Variants in USHBP1 observed in about 807,000 individuals in gnomAD.
USHBP1 encodes the protein harmonin-binding protein USHBP1.
Under a neutral mutation model 76.2 loss-of-function variants are expected in USHBP1, and 67 were observed. That is an observed-to-expected ratio of 0.88 (90% CI 0.72 to 1.08). USHBP1 has a LOEUF of 1.08. Ranked by LOEUF, USHBP1 falls within the 50% of genes least tolerant of loss-of-function variation. The probability of loss-of-function intolerance (pLI) is 0.00; values close to 1 mark genes in which losing one functional copy is unlikely to be tolerated. For synonymous variants in USHBP1, 322 were observed against 362.2 expected (o/e 0.89, Z 1.26); for missense variants, 931 against 915.0 (o/e 1.02, Z -0.23).
intron 8 of USHBP1, among the ~76,000 whole-genome samples, chr19:17,257,057 G>A (rs2073628666): frequency 7.1e-6 from 1 of 141,386 alleles, no homozygotes; most frequent in Non-Finnish European, 1.5e-5. Flanking sequence ...GTCTTGCTCT[G>A]TCGCCCAGGC....
At position 17,259,950 on chromosome 19, in the gene USHBP1, A is replaced by G; in HGVS notation, c.715T>C (p.Ser239Pro). 6.2e-7 allele frequency: 1 copy of G among 1,614,026 alleles called. No individual in the cohort carries two copies. Residue 239 changes from serine (S) to proline (P), a missense_variant, in exon 5 of 13, where the codon TCA becomes CCA. Coordinates refer to ENST00000252597, the MANE Select transcript of USHBP1 (RefSeq NM_031941.4). ...PHLSHNQAGG[S>P]GSGSSSSEAD... The stretch of plus-strand genomic sequence containing the variant: ...TCAGAGCTGCTAGAACCACTGCCTG[A>G]GCCACCTGCTTGGTTGTGGGAAAGA...
At position 17,264,057 on chromosome 19, in the gene USHBP1, C is replaced by A. The variant is rs374555858; in HGVS notation, c.148G>T (p.Gly50Trp). The A allele has an allele frequency of 1.9e-6, 3 of 1,612,994 alleles. No homozygotes were observed. The highest frequency in any genetic ancestry group is 1.7e-4 in the Middle Eastern group (1 of 6,060). The change falls in exon 3 of 13, where the codon GGG becomes TGG. Residue 50 changes from glycine (G) to tryptophan (W), a missense_variant. Coordinates refer to ENST00000252597, the MANE Select transcript of USHBP1 (RefSeq NM_031941.4). The part of the protein sequence containing the change: ...PSFAPPPVSS[G>W]LEQLGPMEEV... ...TCCATGGGGCCCAGCTGCTCCAGCCCGGAGCTCACCGGAGGTGGGGCAAAG... is the reference window on the plus strand; with the variant it reads ...TCCATGGGGCCCAGCTGCTCCAGCCAGGAGCTCACCGGAGGTGGGGCAAAG...
rs770840252 is a variant in USHBP1 at position 17,263,003 on chromosome 19, A to C, written c.204-13T>G. ...CTTCTTGTCAGTCCTGTGGACACCA[A>C]CTCAGGCACTTGAGTCACTCCATGC... On this transcript the variant is annotated splice_polypyrimidine_tract_variant and intron_variant, in intron 3 of 12. Transcript: ENST00000252597. 7 of 1,506,000 alleles carry C rather than the reference A, an allele frequency of 4.6e-6. No homozygotes were observed. In the Admixed American group the frequency reaches 6.9e-5, roughly 15 times the overall value. The allele number at this position is 1,506,000 out of a possible 1,614,324, so 93.3% of individuals were successfully genotyped here.
chr19:17,259,094 G>A (rs1039670700), intron 7 of USHBP1, among the ~76,000 whole-genome samples, 195 bp downstream of exon 7: 1 of 152,100 alleles, frequency 6.6e-6, no homozygotes, highest in Non-Finnish European at 1.5e-5. Flanking sequence ...GAACCCAGGA[G>A]GCAGAGGTTG....
chr19:17,250,449 C>T (rs2073536315), intron 12 of USHBP1, 35 bp from the exon 13 acceptor site: 1 of 1,595,366 alleles, frequency 6.3e-7, no homozygotes, highest in African/African-American at 1.3e-5. Flanking sequence ...AGGAAACAGC[C>T]CCCGAGTCCA....
chr19:17,262,969 C>T lies in USHBP1; in HGVS notation c.225G>A (p.Gly75=). 7 of 1,521,278 alleles carry T rather than the reference C, an allele frequency of 4.6e-6. No individual in the cohort carries two copies. Among genetic ancestry groups the T allele is most frequent in the Non-Finnish European group, 6.2e-6 (7 of 1,134,892 alleles). The allele number at this position is 1,521,278 out of a possible 1,614,324, so 94.2% of individuals were successfully genotyped here. A position where few individuals can be genotyped will look rare whatever the true frequency, so the allele number is the denominator to read the frequency against. ...CTGAGGCCAGTTCCCTGCCAGAGCCCCCATCCATCTTCTTGTCAGTCCTGT... is the reference window on the plus strand; with the variant it reads ...CTGAGGCCAGTTCCCTGCCAGAGCCTCCATCCATCTTCTTGTCAGTCCTGT... ...LGSRTDKKMD[G]GSGRELASAP... Residue 75 remains glycine, a synonymous_variant, in exon 4 of 13, where the codon GGG becomes GGA. Coordinates refer to ENST00000252597, the MANE Select transcript of USHBP1 (RefSeq NM_031941.4).
rs777306692 is a variant in USHBP1, at chr19:17,256,665, G to C, written c.1276C>G (p.Arg426Gly). The C allele has an allele frequency of 6.2e-7, 1 of 1,614,190 alleles. No homozygotes were observed. The highest frequency in any genetic ancestry group is 1.7e-5 in the Admixed American group (1 of 60,022). Reference protein sequence around the residue: ...PTPQEVAFQLRSYVQRLQERR... With the variant: ...PTPQEVAFQLGSYVQRLQERR... ...TCCTGGAGACGCTGGACATAGCTTC[G>C]GAGCTGGAAAGCCACTTCCTGTGGG... is the stretch of plus-strand genomic sequence containing the variant. The change falls in exon 9 of 13, where the codon CGA becomes GGA. Residue 426 changes from arginine to glycine, a missense_variant. Physicochemically the swap from Arg to Gly is moderately radical, Grantham distance 125. Coordinates refer to ENST00000252597, the MANE Select transcript of USHBP1 (RefSeq NM_031941.4).
chr19:17,259,497 C>T (rs1299807810), intron 6 of USHBP1, 68 bp from the exon 7 acceptor site: 2 of 1,608,010 alleles, frequency 1.2e-6, no homozygotes, highest in Non-Finnish European at 1.7e-6. Context: ...CAATTTCCAC[C>T]CTTTCCCTCC....
chr19:17,262,917 C>G lies in USHBP1; in HGVS notation c.277G>C (p.Val93Leu). 1.3e-6 allele frequency: 2 copies of G among 1,568,172 alleles called. No homozygotes were observed. Among genetic ancestry groups the G allele is most frequent in the Non-Finnish European group, 1.7e-6 (2 of 1,155,388 alleles). The change falls in exon 4 of 13, where the codon GTG becomes CTG. Residue 93 changes from valine (V) to leucine (L), a missense_variant. Val to Leu is a conservative substitution (Grantham distance 32, BLOSUM62 1). Transcript: ENST00000252597. ...GCTTCTGGGGCTTGGTGGGCTTCCA[C>G]TGCAGGTTTGTGGGGCACTTCGGGG... ...SAPEVPHKPA[V>L]EAHQAPEAAL... is the part of the protein sequence containing the mutation.
At chr19:17,251,817 G>C in intron 11 of USHBP1, 94 bp downstream of exon 11, 2 of 1,558,394 alleles carry the variant, frequency 1.3e-6, no homozygotes, top group Non-Finnish European at 1.7e-6. Flanking sequence ...GTACACCGGG[G>C]TACACCTTAG....
intron 10 of USHBP1, among the ~76,000 whole-genome samples, chr19:17,254,764 AC>A (rs2073597642): frequency 6.6e-6 from 1 of 151,806 alleles, no homozygotes; most frequent in Non-Finnish European, 1.5e-5. Context: ...TGATCCTCCC[AC>A]CTCAGCCACC....
At position 17,256,756 on chromosome 19, in the gene USHBP1, G is replaced by A. The variant is rs780955541; in HGVS notation, c.1221-36C>T. The A allele has an allele frequency of 5.6e-6, 9 of 1,613,048 alleles. No homozygotes were observed. In the South Asian group the frequency reaches 9.9e-5, roughly 18 times the overall value. ...CAGAAAAGGTGCCTATGTCAACACTGGCAGGCATAGGTGGGTTAAGTTCAT... is the reference window on the plus strand; with the variant it reads ...CAGAAAAGGTGCCTATGTCAACACTAGCAGGCATAGGTGGGTTAAGTTCAT... On this transcript the variant is annotated intron_variant, in intron 8 of 12. Coordinates refer to ENST00000252597, the MANE Select transcript of USHBP1 (RefSeq NM_031941.4).
At chr19:17,259,481 A>G (rs538437204) in intron 6 of USHBP1, 52 bp from the exon 7 acceptor site, 20 of 1,610,492 alleles carry the variant, frequency 1.2e-5, no homozygotes, top group Non-Finnish European at 1.5e-5. Context: ...TAAGGCAGTC[A>G]GGCCTCAATT....
chr19:17,259,781 G>C, intron 5 of USHBP1, 49 bp from the exon 6 acceptor site: 1 of 1,580,224 alleles, frequency 6.3e-7, no homozygotes, highest in Non-Finnish European at 8.6e-7. Context: ...CCAAGAGCCT[G>C]GGATTGTAGG....
rs1568328361 is a variant in USHBP1 at position 17,262,770 on chromosome 19, T to C, written c.424A>G (p.Ser142Gly). 6.2e-7 allele frequency: 1 copy of C among 1,613,998 alleles called. No individual in the cohort carries two copies. Among genetic ancestry groups the C allele is most frequent in the Admixed American group, 1.7e-5 (1 of 60,014 alleles). Residue 142 changes from serine to glycine, a missense_variant, in exon 4 of 13, where the codon AGC becomes GGC. Coordinates refer to ENST00000252597, the MANE Select transcript of USHBP1 (RefSeq NM_031941.4). ...AAAAWRHQPP[S>G]HSGPMEFEGT... ...TCGAACTCCATCGGCCCAGAATGGC[T>C]GGGGGGCTGGTGGCGCCAGGCTGCA...
Position 17,262,760 on chromosome 19 carries a change from C to A in USHBP1, c.434G>T (p.Gly145Val). 6.2e-7 allele frequency: 1 copy of A among 1,614,236 alleles called. No homozygotes were observed. Among genetic ancestry groups the A allele is most frequent in the Non-Finnish European group, 8.5e-7 (1 of 1,180,036 alleles). ...AWRHQPPSHSGPMEFEGTSEG... is the reference protein window; with the variant it reads ...AWRHQPPSHSVPMEFEGTSEG... Reference sequence around the variant, plus strand: ...GCTTGTGCCTTCGAACTCCATCGGCCCAGAATGGCTGGGGGGCTGGTGGCG... The same window carrying A: ...GCTTGTGCCTTCGAACTCCATCGGCACAGAATGGCTGGGGGGCTGGTGGCG... Residue 145 changes from glycine (G) to valine (V), a missense_variant, in exon 4 of 13, where the codon GGG (glycine) becomes GTG (valine). Transcript: ENST00000252597.
At chr19:17,261,710 T>C (rs1395175188) in intron 4 of USHBP1, among the ~76,000 whole-genome samples, 1 of 151,180 alleles carries the variant, frequency 6.6e-6, no homozygotes, top group Non-Finnish European at 1.5e-5. Context: ...AAATCTCGGC[T>C]CACTGCAACC....
intron 7 of USHBP1, 156 bp from the exon 8 acceptor site, chr19:17,258,541 T>C: frequency 1.4e-6 from 1 of 735,932 alleles, no homozygotes; most frequent in Non-Finnish European, 2.1e-6. Context: ...AAACCCCGTC[T>C]CTACTAAAAA....
At chr19:17,261,515 T>C (rs1004451255) in intron 4 of USHBP1, among the ~76,000 whole-genome samples, 2 of 151,666 alleles carry the variant, frequency 1.3e-5, no homozygotes, top group African/African-American at 4.8e-5. Flanking sequence ...TTTGTATTTT[T>C]AGTAGAGACG....
Sources: gnomAD v4.1 joint callset for allele counts (sites outside exome capture counted in the v4.1 genomes callset) on GRCh38, gnomAD v4.1.1 for gene constraint, MANE v1.5 for transcripts, NCBI Gene and HGNC (gene_info 2026-07-23, HGNC 2026-07-21) for gene names.